The following ALDH1L1 variants were observed in gnomAD, a reference collection of about 807,000 sequenced individuals.
The protein encoded by ALDH1L1 is aldehyde dehydrogenase 1 family member L1, also known as cytosolic 10-formyltetrahydrofolate dehydrogenase.
ALDH1L1 carries 68 observed loss-of-function variants against 101.1 expected under a neutral mutation model. That is an observed-to-expected ratio of 0.67 (90% CI 0.55 to 0.82). The LOEUF is 0.82. Ranked by LOEUF, ALDH1L1 falls within the 40% of genes least tolerant of loss-of-function variation. ALDH1L1 has a pLI of 0.00. For missense variants in ALDH1L1, 1,087 were observed against 1,172.7 expected (o/e 0.93, Z 1.07); for synonymous variants, 486 against 470.8 (o/e 1.03, Z -0.42).
intron 1 of ALDH1L1, among the ~76,000 whole-genome samples, chr3:126,189,044 T>A (rs1407455474): frequency 6.6e-6 from 1 of 152,178 alleles, no homozygotes; most frequent in African/African-American, 2.4e-5. Context: ...ATAAGCCATC[T>A]CGCATCCCAT....
chr3:126,195,187 C>A, intron 1 of ALDH1L1, among the ~76,000 whole-genome samples: 1 of 152,100 alleles, frequency 6.6e-6, no homozygotes. Context: ...CAGTTTATAA[C>A]CTTAAAGCAT....
intron 17 of ALDH1L1, among the ~76,000 whole-genome samples, chr3:126,115,764 G>A (rs537314375): frequency 2.2e-4 from 34 of 151,974 alleles, no homozygotes; most frequent in African/African-American, 8.2e-4. Flanking sequence ...CAGTAGGGAC[G>A]GGGTTTCACC....
chr3:126,150,572 T>G, intron 7 of ALDH1L1, 41 bp from the exon 8 acceptor site: 1 of 1,530,040 alleles, frequency 6.5e-7, no homozygotes, highest in Non-Finnish European at 8.8e-7. Context: ...TTTCTTTTTT[T>G]GAGACAGAGT....
chr3:126,131,295 C>T (rs2080297703), intron 13 of ALDH1L1, 89 bp downstream of exon 13: 1 of 1,402,918 alleles, frequency 7.1e-7, no homozygotes, highest in Admixed American at 2.2e-5. Flanking sequence ...TGCTGCGCAG[C>T]ATGCAGATGA....
Position 126,131,292 on chromosome 3 carries a change from CA to C in ALDH1L1, c.1623+91del. 2.1e-6 allele frequency: 3 copies of C among 1,396,090 alleles called. No individual in the cohort carries two copies. In the Admixed American group the frequency reaches 6.8e-5, roughly 32 times the overall value. The allele number at this position is 1,396,090 out of a possible 1,614,324, so 86.5% of individuals were successfully genotyped here. ...CCACCAGTTGTGGTCATTTGCTGCG[CA>C]GCATGCAGATGACTGTGCTGCCCTT... On this transcript the variant is annotated intron_variant, in intron 13 of 22. Transcript: ENST00000393434.
At chr3:126,172,102 T>C (rs960002969) in intron 1 of ALDH1L1, among the ~76,000 whole-genome samples, 4 of 152,176 alleles carry the variant, frequency 2.6e-5, no homozygotes, top group African/African-American at 9.7e-5. Context: ...CCTAGACAGG[T>C]AAATATCAAA....
At chr3:126,135,808 G>A (rs1412077960) in intron 11 of ALDH1L1, 146 bp from the exon 12 acceptor site, 19 of 1,035,750 alleles carry the variant, frequency 1.8e-5, no homozygotes, top group African/African-American at 3.3e-5. Context: ...ATGGCCAAAG[G>A]ACAACCCTGG....
At chr3:126,187,768 G>T (rs987986791) in intron 1 of ALDH1L1, among the ~76,000 whole-genome samples, 1 of 152,158 alleles carries the variant, frequency 6.6e-6, no homozygotes, top group Admixed American at 6.5e-5. Flanking sequence ...ACTATCAAGG[G>T]CCCTTTAAGA....
intron 9 of ALDH1L1, among the ~76,000 whole-genome samples, chr3:126,145,413 A>G (rs1329422142): frequency 6.6e-6 from 1 of 152,200 alleles, no homozygotes; most frequent in Non-Finnish European, 1.5e-5. Context: ...ATTGATTCAC[A>G]ACAGCCAAGA....
chr3:126,193,303 T>G (rs1170916363), intron 1 of ALDH1L1, among the ~76,000 whole-genome samples: 1 of 152,234 alleles, frequency 6.6e-6, no homozygotes, highest in Non-Finnish European at 1.5e-5. Context: ...TCTGTTCTAG[T>G]CTAGGATCTG....
upstream of ALDH1L1, among the ~76,000 whole-genome samples, chr3:126,182,748 G>A (rs1443582820): frequency 6.6e-6 from 1 of 152,152 alleles, no homozygotes; most frequent in African/African-American, 2.4e-5. Context: ...GGAAATCAGA[G>A]AGGAATCCAT....
intron 1 of ALDH1L1, among the ~76,000 whole-genome samples, chr3:126,189,599 C>T (rs1397257796): frequency 1.3e-5 from 2 of 152,148 alleles, no homozygotes; most frequent in African/African-American, 4.8e-5. Flanking sequence ...GATGTCTTTT[C>T]CAGAAGACCT....
rs933921267 is a variant in ALDH1L1 at position 126,103,993 on chromosome 3, T to C, written c.2654-147A>G. 8 of 837,216 alleles carry C rather than the reference T, an allele frequency of 9.6e-6. No individual in the cohort carries two copies. In the Admixed American group the frequency reaches 1.3e-4, roughly 14 times the overall value. 51.9% of individuals were successfully genotyped at this position (837,216 alleles called of 1,614,324 possible). A position where few individuals can be genotyped will look rare whatever the true frequency, so the allele number is the denominator to read the frequency against. On this transcript the variant is annotated intron_variant, in intron 22 of 22. Transcript: ENST00000393434. ...GAGAAGTCGAGGCCCAGCGAGGTCA[T>C]GAATCTTACCCAGGTTATCCCTGGC...
At chr3:126,129,300 T>C (rs1210561588) in intron 14 of ALDH1L1, 1 of 152,266 alleles carries the variant, frequency 6.6e-6, no homozygotes, top group African/African-American at 2.4e-5. Context: ...TCCTTGCAAA[T>C]ACTCCAACAT....
chr3:126,117,390 G>A (rs1311818801), intron 17 of ALDH1L1, among the ~76,000 whole-genome samples: 5 of 152,094 alleles, frequency 3.3e-5, no homozygotes, highest in South Asian at 2.1e-4. Flanking sequence ...AGTGGCTCAC[G>A]TCAGTCATCC....
intron 19 of ALDH1L1, among the ~76,000 whole-genome samples, chr3:126,111,476 C>A (rs1371901062): frequency 6.6e-6 from 1 of 152,238 alleles, no homozygotes; most frequent in East Asian, 1.9e-4. Flanking sequence ...CCCAGATGAG[C>A]CCCAACAAAC....
Position 126,123,635 on chromosome 3 carries a change from C to CAAAAAAAA in ALDH1L1, c.1888+721_1888+728dup, listed in dbSNP as rs10652286. Among the ~76,000 whole-genome samples, 4 of 128,870 alleles carry CAAAAAAAA rather than the reference C, an allele frequency of 3.1e-5. 1 individual carries two copies. Among genetic ancestry groups the CAAAAAAAA allele is most frequent in the South Asian group, 2.6e-4 (1 of 3,826 alleles). 84.5% of individuals were successfully genotyped at this position (128,870 alleles called of 152,430 possible). On this transcript the variant is annotated intron_variant, in intron 16 of 22. Coordinates refer to ENST00000393434, the MANE Select transcript of ALDH1L1 (RefSeq NM_012190.4). ...ACTAAATTTTCAACCCAAAAAGCTG[C>CAAAAAAAA]AAAAAAAAAAAAAATAGAAGAACCA...
Position 126,112,836 on chromosome 3 carries a change from T to G in ALDH1L1, c.2127A>C (p.Ala709=). The G allele has an allele frequency of 6.2e-7, 1 of 1,613,704 alleles. No individual in the cohort carries two copies. Among genetic ancestry groups the G allele is most frequent in the Non-Finnish European group, 8.5e-7 (1 of 1,180,028 alleles). The part of the protein sequence containing the change: ...VFFNKGENCI[A]AGRLFVEDSI... The stretch of plus-strand genomic sequence containing the variant: ...AGTCCTCCACAAAGAGTCGGCCTGC[T>G]GCAATGCAATTCTCTCCTTTGTTGA... The change falls in exon 19 of 23, where the codon GCA becomes GCC. Residue 709 remains alanine (A), a synonymous_variant. Transcript: ENST00000393434.
chr3:126,182,053 G>T (rs1267869453), upstream of ALDH1L1, among the ~76,000 whole-genome samples: 1 of 152,212 alleles, frequency 6.6e-6, no homozygotes, highest in South Asian at 2.1e-4. Context: ...CTTCAGGGAA[G>T]CTTTCCCTAG....
Sources: allele counts gnomAD v4.1 joint callset (sites outside exome capture counted in the v4.1 genomes callset), GRCh38; gene constraint gnomAD v4.1.1; transcripts MANE v1.5; gene names NCBI Gene and HGNC (gene_info 2026-07-23, HGNC 2026-07-21).